PTPRD: variants seen among roughly 807,000 people sequenced by gnomAD.
PTPRD encodes protein tyrosine phosphatase receptor type D.
In PTPRD, 34 loss-of-function variants were observed where a neutral mutation model predicts 214.5. The ratio of observed to expected loss-of-function variants is 0.16; its 90% CI spans 0.12 to 0.21. The LOEUF is 0.21. PTPRD is among the 10% of genes least tolerant of loss of function. The pLI, the probability that PTPRD is intolerant of heterozygous loss-of-function variation, is 1.00. For synonymous variants in PTPRD, 1,128 were observed against 845.7 expected, an observed-to-expected ratio of 1.33 and a Z score of -5.79; for missense variants, 2,545 against 2,398.7, an observed-to-expected ratio of 1.06 and a Z score of -1.27.
At chr9:9,576,844 G>A (rs565555478) in intron 7 of PTPRD, among the ~76,000 whole-genome samples, 60 of 152,044 alleles carry the variant, frequency 3.9e-4, no homozygotes, top group Non-Finnish European at 6.9e-4. Context: ...ACTCCTGCAG[G>A]CACTGTGTTG....
chr9:9,654,541 G>A (rs944266358), intron 7 of PTPRD, among the ~76,000 whole-genome samples: 1 of 151,922 alleles, frequency 6.6e-6, no homozygotes, highest in African/African-American at 2.4e-5. Flanking sequence ...CTGAGAATGT[G>A]GAAATAAACA....
intron 2 of PTPRD, among the ~76,000 whole-genome samples, chr9:10,434,715 C>A (rs2098705747): frequency 6.6e-6 from 1 of 151,896 alleles, no homozygotes; most frequent in Non-Finnish European, 1.5e-5. Context: ...CACACTGTTG[C>A]TATTGGTGGA....
chr9:10,028,469 G>A (rs2154128089), intron 4 of PTPRD, among the ~76,000 whole-genome samples: 1 of 152,266 alleles, frequency 6.6e-6, no homozygotes, highest in Non-Finnish European at 1.5e-5. Flanking sequence ...AGAAAATGTA[G>A]GAAAGTTTGG....
chr9:8,808,121 G>C (rs1382688690), intron 11 of PTPRD, among the ~76,000 whole-genome samples: 1 of 152,064 alleles, frequency 6.6e-6, no homozygotes, highest in African/African-American at 2.4e-5. Context: ...AAGTATCATC[G>C]TGTTTTGTCT....
intron 9 of PTPRD, among the ~76,000 whole-genome samples, chr9:9,317,981 G>A (rs1013418457): frequency 7.2e-5 from 11 of 152,074 alleles, no homozygotes; most frequent in African/African-American, 2.7e-4. Context: ...AGACCAGCCT[G>A]ATCAACATGG....
At chr9:9,971,420 AT>A (rs1424701714) in intron 4 of PTPRD, among the ~76,000 whole-genome samples, 1 of 152,154 alleles carries the variant, frequency 6.6e-6, no homozygotes, top group Non-Finnish European at 1.5e-5. Flanking sequence ...GTAGAAGATT[AT>A]TTTAATTTTA....
chr9:9,672,385 T>G (rs1377805669), intron 7 of PTPRD, among the ~76,000 whole-genome samples: 8 of 152,140 alleles, frequency 5.3e-5, no homozygotes, highest in Admixed American at 4.6e-4. Context: ...GTATTGGTTA[T>G]TATGTGCCTG....
At chr9:9,031,102 G>A (rs1175142638) in intron 10 of PTPRD, among the ~76,000 whole-genome samples, 6 of 151,922 alleles carry the variant, frequency 3.9e-5, no homozygotes, top group Non-Finnish European at 8.8e-5. Flanking sequence ...GACCATCTTG[G>A]TAGAATTGAA....
chr9:10,486,625 CT>C (rs1292684679), intron 2 of PTPRD, among the ~76,000 whole-genome samples: 1 of 152,102 alleles, frequency 6.6e-6, no homozygotes, highest in Admixed American at 6.6e-5. Flanking sequence ...TTCCTAAACT[CT>C]TTTTACTGAT....
At chr9:9,525,721 A>G (rs2154259554) in intron 8 of PTPRD, among the ~76,000 whole-genome samples, 1 of 152,252 alleles carries the variant, frequency 6.6e-6, no homozygotes. Flanking sequence ...AGAAAGTCAA[A>G]TATCTAGAAA....
intron 8 of PTPRD, among the ~76,000 whole-genome samples, chr9:9,490,112 G>A (rs530069124): frequency 1.1e-3 from 165 of 152,174 alleles, no homozygotes; most frequent in African/African-American, 3.6e-3. Context: ...TATATTCAGA[G>A]TGCTAAAAGA....
At chr9:10,035,485 T>A (rs529692307) in intron 3 of PTPRD, among the ~76,000 whole-genome samples, 1 of 152,300 alleles carries the variant, frequency 6.6e-6, no homozygotes, top group Admixed American at 6.5e-5. Flanking sequence ...GCTTTTGGCA[T>A]CTTCGTCATG....
intron 7 of PTPRD, among the ~76,000 whole-genome samples, chr9:9,675,515 AAG>A (rs1251855759): frequency 6.6e-6 from 1 of 151,894 alleles, no homozygotes. Context: ...CAGATTTTAA[AAG>A]AGACTACAAA....
intron 3 of PTPRD, among the ~76,000 whole-genome samples, chr9:10,079,966 A>T (rs1008331376): frequency 6.6e-6 from 1 of 151,350 alleles, no homozygotes; most frequent in African/African-American, 2.4e-5. Context: ...GGTATGTACA[A>T]CCCCTTCCCA....
In PTPRD at chr9:10,612,938, G is replaced by A. The variant is rs1011668618; in HGVS notation, c.-958C>T. On this transcript the variant is annotated 5_prime_UTR_variant, in exon 1 of 46. Transcript: ENST00000381196. ...TGCGGGCGCGGCTGGGCGGGGAGCC[G>A]AGGCGGCCGCTCCCGCACTCGCTCG... 6.6e-6 allele frequency among the ~76,000 whole-genome samples: 1 copy of A among 151,480 alleles called. No individual in the cohort carries two copies. The highest frequency in any genetic ancestry group is 1.5e-5 in the Non-Finnish European group (1 of 67,820).
chr9:9,725,319 T>C (rs1596103626), intron 7 of PTPRD, among the ~76,000 whole-genome samples: 1 of 151,998 alleles, frequency 6.6e-6, no homozygotes, highest in Admixed American at 6.6e-5. Flanking sequence ...ACAAGCTTTT[T>C]TTTTTTTTGC....
intron 35 of PTPRD, among the ~76,000 whole-genome samples, chr9:8,412,293 T>C (rs753002820): frequency 6.6e-6 from 1 of 152,142 alleles, no homozygotes; most frequent in South Asian, 2.1e-4. Flanking sequence ...TTAAAGAGTA[T>C]GGCAACATTA....
At chr9:8,764,481 A>G (rs1367353013) in intron 11 of PTPRD, among the ~76,000 whole-genome samples, 1 of 152,054 alleles carries the variant, frequency 6.6e-6, no homozygotes, top group Non-Finnish European at 1.5e-5. Flanking sequence ...AAAAATACGG[A>G]CCATTATGGG....
chr9:8,724,631 C>A (rs1294823637), intron 12 of PTPRD, among the ~76,000 whole-genome samples: 1 of 152,088 alleles, frequency 6.6e-6, no homozygotes, highest in Non-Finnish European at 1.5e-5. Context: ...CTTGTCTTAC[C>A]CAGTCTCCAC....
Sources: gnomAD v4.1 joint callset for allele counts (sites outside exome capture counted in the v4.1 genomes callset) on GRCh38, gnomAD v4.1.1 for gene constraint, MANE v1.5 for transcripts, NCBI Gene and HGNC (gene_info 2026-07-23, HGNC 2026-07-21) for gene names.